DAB1: variants seen among roughly 807,000 people sequenced by gnomAD.
DAB1 encodes DAB adaptor protein 1, also known as disabled homolog 1.
DAB1 carries 15 observed loss-of-function variants against 64.6 expected under a neutral mutation model. The observed-to-expected ratio is 0.23, with a 90% CI of 0.16 to 0.36. The LOEUF is 0.36. Ranked by LOEUF, DAB1 falls within the 10% of genes least tolerant of loss-of-function variation. The pLI, the probability that DAB1 is intolerant of heterozygous loss-of-function variation, is 1.00. For synonymous variants in DAB1, 235 were observed against 251.9 expected, an observed-to-expected ratio of 0.93 and a Z score of 0.64; for missense variants, 596 against 706.7, an observed-to-expected ratio of 0.84 and a Z score of 1.78.
intron 4 of DAB1, among the ~76,000 whole-genome samples, chr1:58,317,897 T>C (rs1185511718): frequency 2.0e-5 from 3 of 152,196 alleles, no homozygotes; most frequent in Admixed American, 6.5e-5. Context: ...TGTTTCCCCA[T>C]CTGTATATCT....
At chr1:57,884,848 T>C (rs1245299907), upstream of DAB1, among the ~76,000 whole-genome samples, 4 of 152,162 alleles carry the variant, frequency 2.6e-5, no homozygotes, top group Non-Finnish European at 4.4e-5. Flanking sequence ...TTAGTTCCTA[T>C]GAGAGCTGGT....
intron 5 of DAB1, among the ~76,000 whole-genome samples, chr1:57,982,278 A>C (rs1557593618): frequency 6.6e-6 from 1 of 152,198 alleles, no homozygotes; most frequent in African/African-American, 2.4e-5. Context: ...TTAGAACAGA[A>C]CCCATTTTAG....
At chr1:57,649,764 C>T (rs1646234878) in intron 6 of DAB1, 2 of 152,126 alleles carry the variant, frequency 1.3e-5, no homozygotes, top group Admixed American at 1.3e-4. Flanking sequence ...TACTAACTTC[C>T]TCCCATACAC....
intron 5 of DAB1, among the ~76,000 whole-genome samples, chr1:57,965,985 C>A (rs969996005): frequency 6.6e-6 from 1 of 151,980 alleles, no homozygotes; most frequent in Non-Finnish European, 1.5e-5. Flanking sequence ...ACTTGATGAG[C>A]TAATGTAAAT....
At chr1:57,137,102 A>G (rs1031579636) in intron 3 of DAB1, among the ~76,000 whole-genome samples, 2 of 152,316 alleles carry the variant, frequency 1.3e-5, no homozygotes, top group East Asian at 1.9e-4. Flanking sequence ...TAGATAATAG[A>G]AAATAAAAAC....
chr1:57,110,264 C>T (rs1295912584), intron 4 of DAB1, among the ~76,000 whole-genome samples: 4 of 152,178 alleles, frequency 2.6e-5, no homozygotes, highest in Non-Finnish European at 5.9e-5. Context: ...TCTAATGGTA[C>T]AAAATATTCT....
intron 9 of DAB1, among the ~76,000 whole-genome samples, chr1:57,028,009 A>G (rs944205437): frequency 6.6e-6 from 1 of 152,122 alleles, no homozygotes; most frequent in Non-Finnish European, 1.5e-5. Context: ...TGTAGATGCA[A>G]ATAATCTCAG....
rs1469329290 is a variant in DAB1, at chr1:58,346,804, C to T, written n.258-3401G>A. The stretch of plus-strand genomic sequence containing the variant: ...ATAGCAACTACCTGCTAGAAGGAAA[C>T]GATGAAACACCATGTGTGAAATGCT... On this transcript the variant is annotated intron_variant and non_coding_transcript_variant, in intron 3 of 20. Transcript: ENST00000485760. Among the ~76,000 whole-genome samples, 6 of 152,258 alleles carry T rather than the reference C, an allele frequency of 3.9e-5. No individual in the cohort carries two copies. The East Asian group carries it at 7.7e-4, about 20-fold the overall frequency.
intron 3 of DAB1, among the ~76,000 whole-genome samples, chr1:58,362,511 C>T (rs753680741): frequency 4.2e-4 from 64 of 152,322 alleles, no homozygotes; most frequent in Non-Finnish European, 7.3e-4. Context: ...AGTTGCCTCC[C>T]TGTCCTTCCT....
chr1:57,512,211 T>A (rs868394528), intron 7 of DAB1, among the ~76,000 whole-genome samples: 5 of 152,164 alleles, frequency 3.3e-5, no homozygotes, highest in Admixed American at 6.5e-5. Context: ...ACATTATAAT[T>A]TCTTATATGT....
intron 3 of DAB1, among the ~76,000 whole-genome samples, chr1:58,358,953 AAC>A (rs57077530): frequency 0.064 from 7,911 of 123,910 alleles, 351 homozygotes; most frequent in Non-Finnish European, 0.083. Flanking sequence ...CTCTCTCTGT[AAC>A]ACACACACAC....
intron 4 of DAB1, among the ~76,000 whole-genome samples, chr1:58,240,296 C>T (rs1000551351): frequency 6.6e-6 from 1 of 152,220 alleles, no homozygotes; most frequent in South Asian, 2.1e-4. Context: ...GGTGCAACTT[C>T]TGATCATATC....
At chr1:58,070,939 G>A (rs1052673842) in intron 5 of DAB1, among the ~76,000 whole-genome samples, 1 of 152,222 alleles carries the variant, frequency 6.6e-6, no homozygotes, top group African/African-American at 2.4e-5. Context: ...TCCAGGTGGA[G>A]ACGCCCAGTT....
chr1:58,372,958 A>G (rs1028400980), intron 3 of DAB1, among the ~76,000 whole-genome samples: 2 of 152,170 alleles, frequency 1.3e-5, no homozygotes, highest in Non-Finnish European at 2.9e-5. Flanking sequence ...TAGCAATGTG[A>G]AAATGGACTA....
intron 3 of DAB1, among the ~76,000 whole-genome samples, chr1:58,398,492 C>T (rs879669967): frequency 2.0e-5 from 3 of 152,236 alleles, no homozygotes; most frequent in Non-Finnish European, 4.4e-5. Flanking sequence ...TCCCAGGACC[C>T]TCTGTTTTCA....
chr1:57,344,127 C>T (rs771196256), intron 1 of DAB1, among the ~76,000 whole-genome samples: 11 of 152,228 alleles, frequency 7.2e-5, no homozygotes, highest in South Asian at 2.1e-4. Flanking sequence ...GATAATTAAC[C>T]GGTCCCCACC....
At chr1:57,327,008 G>T (rs913302451) in intron 1 of DAB1, among the ~76,000 whole-genome samples, 9 of 152,092 alleles carry the variant, frequency 5.9e-5, no homozygotes, top group African/African-American at 2.2e-4. Flanking sequence ...GCACAATCTT[G>T]GTTCATCGCA....
intron 7 of DAB1, among the ~76,000 whole-genome samples, chr1:57,441,398 G>T (rs1685955857): frequency 6.8e-6 from 1 of 146,704 alleles, no homozygotes; most frequent in Non-Finnish European, 1.5e-5. Flanking sequence ...TCACTTTGGA[G>T]AGGCTGGAGT....
chr1:57,031,242 A>G (rs1646957817), intron 9 of DAB1, among the ~76,000 whole-genome samples: 1 of 152,192 alleles, frequency 6.6e-6, no homozygotes, highest in African/African-American at 2.4e-5. Flanking sequence ...TTGGGCCATA[A>G]AATTAAAAAT....
Sources: gnomAD v4.1 joint callset for allele counts (sites outside exome capture counted in the v4.1 genomes callset) on GRCh38, gnomAD v4.1.1 for gene constraint, MANE v1.5 for transcripts, NCBI Gene and HGNC (gene_info 2026-07-23, HGNC 2026-07-21) for gene names.